Variants in MBOAT2 observed in about 807,000 individuals in gnomAD.
The protein encoded by MBOAT2 is membrane-bound glycerophospholipid O-acyltransferase 2.
In MBOAT2, 28 loss-of-function variants were observed where a neutral mutation model predicts 63.4. That is an observed-to-expected ratio of 0.44 (90% CI 0.33 to 0.61). The LOEUF (loss-of-function observed/expected upper bound fraction) is 0.61, where lower values mean the gene tolerates loss of function less well. Among genes scored for constraint, MBOAT2 ranks in the 20% least tolerant of loss-of-function variants. The pLI is 0.03. For synonymous variants in MBOAT2, 211 were observed against 215.6 expected, an observed-to-expected ratio of 0.98 and a Z score of 0.19; for missense variants, 470 against 605.8, an observed-to-expected ratio of 0.78 and a Z score of 2.35.
chr2:8,965,413 C>T (rs1669911792), intron 1 of MBOAT2, among the ~76,000 whole-genome samples: 1 of 152,154 alleles, frequency 6.6e-6, no homozygotes, highest in South Asian at 2.1e-4. Context: ...GCAAGTACAG[C>T]AGATGTGGGA....
intron 2 of MBOAT2, among the ~76,000 whole-genome samples, chr2:8,955,800 C>T (rs939944264): frequency 2.0e-5 from 3 of 152,126 alleles, no homozygotes; most frequent in Non-Finnish European, 4.4e-5. Flanking sequence ...TTCATTGTTG[C>T]CTTATTTTTA....
chr2:8,995,318 G>A (rs533617766), intron 1 of MBOAT2, among the ~76,000 whole-genome samples: 43 of 152,290 alleles, frequency 2.8e-4, no homozygotes, highest in Non-Finnish European at 5.4e-4. Flanking sequence ...CTCCCATTCC[G>A]GAAGGACCCC....
At chr2:8,920,560 CA>C (rs56670658) in intron 3 of MBOAT2, among the ~76,000 whole-genome samples, 23 of 144,044 alleles carry the variant, frequency 1.6e-4, no homozygotes, top group East Asian at 4.0e-4. Context: ...CAATTTCTAC[CA>C]AAAAAAAAAA....
intron 9 of MBOAT2, among the ~76,000 whole-genome samples, chr2:8,866,791 G>A (rs1661926354): frequency 6.6e-6 from 1 of 152,196 alleles, no homozygotes; most frequent in South Asian, 2.1e-4. Flanking sequence ...CTGATCTGGT[G>A]TTTAACTTAC....
chr2:8,939,510 C>G (rs1226337984), intron 3 of MBOAT2, among the ~76,000 whole-genome samples: 1 of 152,162 alleles, frequency 6.6e-6, no homozygotes, highest in African/African-American at 2.4e-5. Flanking sequence ...ACAAGGAGAT[C>G]AGGGCTGAGG....
At chr2:8,920,155 C>T (rs762399560) in intron 3 of MBOAT2, among the ~76,000 whole-genome samples, 7 of 152,118 alleles carry the variant, frequency 4.6e-5, no homozygotes, top group Non-Finnish European at 1.0e-4. Context: ...CCTGTGTTGT[C>T]TTCTGAAGTT....
intron 3 of MBOAT2, among the ~76,000 whole-genome samples, chr2:8,912,298 GAAAA>G (rs778582799): frequency 1.8e-5 from 1 of 56,512 alleles, no homozygotes; most frequent in Admixed American, 2.3e-4. Context: ...GGAAAAGAAA[GAAAA>G]GAAAGAAAGA....
At position 8,873,308 on chromosome 2, in the gene MBOAT2, G is replaced by T. The variant is rs1389823674; in HGVS notation, c.691-8C>A. ...CTTCTGAACAACCGCAGTCTGAAAA[G>T]CGCAAGGCGAGACTTCATCAACTTT... On this transcript the variant is annotated splice_polypyrimidine_tract_variant and splice_region_variant and intron_variant, in intron 7 of 12. Coordinates refer to ENST00000305997, the MANE Select transcript of MBOAT2 (RefSeq NM_138799.4). 8 of 1,609,732 alleles carry T rather than the reference G, an allele frequency of 5.0e-6. No individual in the cohort carries two copies. Among genetic ancestry groups the T allele is most frequent in the African/African-American group, 1.3e-5 (1 of 74,774 alleles).
At chr2:8,930,654 C>T (rs1340957588) in intron 3 of MBOAT2, among the ~76,000 whole-genome samples, 2 of 145,220 alleles carry the variant, frequency 1.4e-5, no homozygotes, top group African/African-American at 5.2e-5. Context: ...GGAATCGCCA[C>T]ACTGACTTCC....
chr2:8,929,509 G>C (rs1667169889), intron 3 of MBOAT2, among the ~76,000 whole-genome samples: 1 of 152,186 alleles, frequency 6.6e-6, no homozygotes, highest in African/African-American at 2.4e-5. Context: ...ACACCACTAT[G>C]CCCAGCTAAT....
intron 8 of MBOAT2, 130 bp from the exon 9 acceptor site, chr2:8,868,679 T>A: frequency 1.4e-6 from 1 of 740,582 alleles, no homozygotes; most frequent in African/African-American, 1.8e-5. Context: ...GATTTTTAAG[T>A]CAGAAACAAC....
At chr2:8,952,407 G>A (rs1057166815) in intron 2 of MBOAT2, among the ~76,000 whole-genome samples, 1 of 152,160 alleles carries the variant, frequency 6.6e-6, no homozygotes, top group African/African-American at 2.4e-5. Flanking sequence ...GCTGATGGGT[G>A]GAGTATTCTG....
chr2:9,001,192 A>G (rs147617036), intron 1 of MBOAT2, among the ~76,000 whole-genome samples: 1 of 152,226 alleles, frequency 6.6e-6, no homozygotes, highest in African/African-American at 2.4e-5. Context: ...TTCCACAGTT[A>G]ATTTTTTTTT....
chr2:8,861,547 G>C (rs1661494648), intron 11 of MBOAT2, among the ~76,000 whole-genome samples: 2 of 152,218 alleles, frequency 1.3e-5, no homozygotes, highest in Non-Finnish European at 2.9e-5. Context: ...GGTGAGCTAG[G>C]CAAGAGATAG....
chr2:8,990,068 G>GTT (rs1331777907), intron 1 of MBOAT2, among the ~76,000 whole-genome samples: 4 of 152,158 alleles, frequency 2.6e-5, no homozygotes, highest in Non-Finnish European at 1.5e-5. Flanking sequence ...AAACACGTTT[G>GTT]TTTTTTCATT....
intron 1 of MBOAT2, among the ~76,000 whole-genome samples, chr2:8,988,190 G>C (rs914275846): frequency 3.3e-5 from 5 of 152,152 alleles, no homozygotes; most frequent in Non-Finnish European, 7.4e-5. Flanking sequence ...ATTTTGCTTT[G>C]GTTTGGGTCT....
At chr2:8,987,689 T>C (rs888175909) in intron 1 of MBOAT2, among the ~76,000 whole-genome samples, 1 of 152,164 alleles carries the variant, frequency 6.6e-6, no homozygotes, top group Non-Finnish European at 1.5e-5. Flanking sequence ...ATCTGGACTT[T>C]AGCTGGACCT....
intron 4 of MBOAT2, among the ~76,000 whole-genome samples, 188 bp from the exon 5 acceptor site, chr2:8,888,261 G>A (rs1468943460): frequency 1.3e-5 from 2 of 152,142 alleles, no homozygotes; most frequent in Non-Finnish European, 2.9e-5. Context: ...TAGGCGATGG[G>A]GATCTGGACT....
intron 2 of MBOAT2, among the ~76,000 whole-genome samples, chr2:8,956,138 T>C (rs764678886): frequency 6.6e-5 from 10 of 152,170 alleles, no homozygotes; most frequent in Non-Finnish European, 1.5e-4. Context: ...CTGTAACATC[T>C]CTGAGGCATG....
Sources: allele counts gnomAD v4.1 joint callset (sites outside exome capture counted in the v4.1 genomes callset), GRCh38; gene constraint gnomAD v4.1.1; transcripts MANE v1.5; gene names NCBI Gene and HGNC (gene_info 2026-07-23, HGNC 2026-07-21).